The following ADK variants were observed in gnomAD, a reference collection of about 807,000 sequenced individuals.
The protein encoded by ADK is adenosine kinase.
In ADK, 24 loss-of-function variants were observed where a neutral mutation model predicts 44.7. The ratio of observed to expected loss-of-function variants is 0.54; its 90% CI spans 0.39 to 0.76. The LOEUF is 0.76. Among genes scored for constraint, ADK ranks in the 30% least tolerant of loss-of-function variants. The probability of loss-of-function intolerance (pLI) is 0.00; values close to 1 mark genes in which losing one functional copy is unlikely to be tolerated. For missense variants in ADK, 321 were observed against 425.1 expected, an observed-to-expected ratio of 0.76 and a Z score of 2.15; for synonymous variants, 128 against 142.6, an observed-to-expected ratio of 0.90 and a Z score of 0.73.
chr10:74,604,907 C>T (rs1852264399), intron 9 of ADK, among the ~76,000 whole-genome samples: 1 of 152,100 alleles, frequency 6.6e-6, no homozygotes, highest in Non-Finnish European at 1.5e-5. Flanking sequence ...TTGTTTGTGT[C>T]CTCTCTTATT....
chr10:74,499,538 A>G (rs1564756536), intron 6 of ADK, among the ~76,000 whole-genome samples: 1 of 152,112 alleles, frequency 6.6e-6, no homozygotes, highest in African/African-American at 2.4e-5. Flanking sequence ...AATACAAAAA[A>G]TTAGCCAGGC....
At chr10:74,551,569 G>C (rs932141684) in intron 7 of ADK, 2 of 152,214 alleles carry the variant, frequency 1.3e-5, no homozygotes, top group Admixed American at 1.3e-4. Flanking sequence ...CATTGTGAAA[G>C]TGAAAAGGCA....
chr10:74,545,990 T>C (rs139562065), intron 7 of ADK, among the ~76,000 whole-genome samples: 1 of 152,298 alleles, frequency 6.6e-6, no homozygotes, highest in African/African-American at 2.4e-5. Context: ...AGCAAGGTAT[T>C]AATGCAAAAA....
chr10:74,589,688 T>C (rs1301685103), intron 8 of ADK, among the ~76,000 whole-genome samples: 2 of 152,174 alleles, frequency 1.3e-5, no homozygotes, highest in African/African-American at 4.8e-5. Flanking sequence ...AAAGCAGTGG[T>C]GGAACAAGAC....
chr10:74,302,105 GTTTGTTTTTTTTTTTTTTTTTTT>G lies in ADK; in HGVS notation c.195-12558_195-12536del, dbSNP rs1840067211. Among the ~76,000 whole-genome samples the G allele has an allele frequency of 2.4e-3, 209 of 88,904 alleles. 15 individuals are homozygous for G. Among genetic ancestry groups the G allele is most frequent in the African/African-American group, 0.011 (198 of 18,840 alleles). 58.3% of individuals were successfully genotyped at this position (88,904 alleles called of 152,430 possible). A position where few individuals can be genotyped will look rare whatever the true frequency, so the allele number is the denominator to read the frequency against. ...TTTCTTTTCTGTTTTTTTTTTGTTT[GTTTGTTTTTTTTTTTTTTTTTTT>G]TTTTTTTTTTTTTTTTTTGAGATGG... On this transcript the variant is annotated intron_variant, in intron 3 of 10. Coordinates refer to ENST00000539909, the MANE Select transcript of ADK (RefSeq NM_006721.4).
In ADK at chr10:74,525,267, T is replaced by C; in HGVS notation, c.567T>C (p.Leu189=). Residue 189 remains leucine, a synonymous_variant, in exon 7 of 11, where the codon CTT becomes CTC. Coordinates refer to ENST00000539909, the MANE Select transcript of ADK (RefSeq NM_006721.4). ...ARVCYIAGFF[L]TVSPESVLKV... Reference sequence around the variant, plus strand: ...TTTTCTTCATCCAGGGCTTTTTTCTTACAGTTTCCCCAGAGTCAGTATTAA... The same window carrying C: ...TTTTCTTCATCCAGGGCTTTTTTCTCACAGTTTCCCCAGAGTCAGTATTAA... The C allele has an allele frequency of 6.2e-7, 1 of 1,613,834 alleles. No homozygotes were observed. The highest frequency in any genetic ancestry group is 8.5e-7 in the Non-Finnish European group (1 of 1,179,886).
intron 6 of ADK, among the ~76,000 whole-genome samples, chr10:74,512,534 A>T (rs186913401): frequency 7.0e-4 from 105 of 150,496 alleles, no homozygotes; most frequent in African/African-American, 2.6e-3. Context: ...GAATGTGTCC[A>T]TTTCCTCTAG....
At chr10:74,286,060 A>G (rs572861714) in intron 3 of ADK, among the ~76,000 whole-genome samples, 2 of 152,030 alleles carry the variant, frequency 1.3e-5, no homozygotes, top group Non-Finnish European at 1.5e-5. Flanking sequence ...GTGTTTTTAT[A>G]TATCTATTTA....
chr10:74,292,612 CT>C (rs1458694060), intron 3 of ADK, among the ~76,000 whole-genome samples: 2 of 152,180 alleles, frequency 1.3e-5, no homozygotes, highest in Middle Eastern at 3.2e-3. Flanking sequence ...CTCTATTTCA[CT>C]TGATGGCAGT....
At chr10:74,283,085 T>G (rs1361683000) in intron 3 of ADK, among the ~76,000 whole-genome samples, 10 of 152,206 alleles carry the variant, frequency 6.6e-5, no homozygotes. Context: ...TGTCACTGTT[T>G]TAGATCTCTT....
At chr10:74,324,183 C>T (rs1375848336) in intron 4 of ADK, among the ~76,000 whole-genome samples, 2 of 152,104 alleles carry the variant, frequency 1.3e-5, no homozygotes, top group African/African-American at 2.4e-5. Context: ...CCACCATGCT[C>T]AGCTAATTTT....
intron 9 of ADK, among the ~76,000 whole-genome samples, chr10:74,622,314 G>A (rs561421407): frequency 4.6e-4 from 70 of 152,176 alleles, no homozygotes; most frequent in South Asian, 1.2e-3. Context: ...AAATACCCTA[G>A]GGAGAAAACG....
chr10:74,203,176 A>G (rs190463411), intron 2 of ADK, among the ~76,000 whole-genome samples: 108 of 152,332 alleles, frequency 7.1e-4, no homozygotes, highest in African/African-American at 2.1e-3. Context: ...TGGAAATCCA[A>G]TTGTCTCAAC....
In ADK at chr10:74,486,710, C is replaced by T. The variant is rs72818593; in HGVS notation, c.556-38546C>T. On this transcript the variant is annotated intron_variant, in intron 6 of 10. Transcript: ENST00000539909. ...TGTCCTATACTACTAGCTGTTTGAG[C>T]GTATTCAACTGGTCTGTGGTTCTTA... Among the ~76,000 whole-genome samples, 1,376 of 152,156 alleles carry T rather than the reference C, an allele frequency of 9.0e-3. 6 individuals carry two copies. Among genetic ancestry groups the T allele is most frequent in the Middle Eastern group, 0.024 (7 of 294 alleles).
chr10:74,596,010 A>C (rs536927229), intron 8 of ADK, among the ~76,000 whole-genome samples: 21 of 150,610 alleles, frequency 1.4e-4, no homozygotes, highest in Admixed American at 3.9e-4. Context: ...AAAAAAAAAA[A>C]AAAAAACCAC....
chr10:74,627,714 C>T (rs1853263699), intron 9 of ADK, among the ~76,000 whole-genome samples: 1 of 152,100 alleles, frequency 6.6e-6, no homozygotes, highest in African/African-American at 2.4e-5. Flanking sequence ...CTCACTGCAA[C>T]CTCCGCCCCC....
At chr10:74,171,810 C>CTCTG (rs1554825180) in intron 1 of ADK, among the ~76,000 whole-genome samples, 2,433 of 144,056 alleles carry the variant, frequency 0.017, 60 homozygotes, top group African/African-American at 0.057. Context: ...CTCTGTCTCT[C>CTCTG]TGTGTGTGTG....
At chr10:74,326,642 A>G (rs1021739120) in intron 4 of ADK, among the ~76,000 whole-genome samples, 3 of 152,060 alleles carry the variant, frequency 2.0e-5, no homozygotes, top group Admixed American at 2.0e-4. Flanking sequence ...TTTTGGTAAA[A>G]TACAGCAGTG....
At chr10:74,319,178 T>A (rs11597563) in intron 4 of ADK, among the ~76,000 whole-genome samples, 72,524 of 152,066 alleles carry the variant, frequency 0.48, 20,001 homozygotes, top group Non-Finnish European at 0.62. Context: ...GTTATTTTTT[T>A]AAAAAGTGTG....
Sources: allele counts gnomAD v4.1 joint callset (sites outside exome capture counted in the v4.1 genomes callset), GRCh38; gene constraint gnomAD v4.1.1; transcripts MANE v1.5; gene names NCBI Gene and HGNC (gene_info 2026-07-23, HGNC 2026-07-21).